The following SH3RF2 variants were observed in gnomAD, a reference collection of about 807,000 sequenced individuals.
The protein encoded by SH3RF2 is E3 ubiquitin-protein ligase SH3RF2.
SH3RF2 carries 43 observed loss-of-function variants against 59.0 expected under a neutral mutation model. The ratio of observed to expected loss-of-function variants is 0.73; its 90% CI spans 0.57 to 0.94. The LOEUF is 0.94. SH3RF2 is among the 40% of genes least tolerant of loss of function. SH3RF2 has a pLI of 0.00. For synonymous variants in SH3RF2, 391 were observed against 391.5 expected (o/e 1.00, Z 0.01); for missense variants, 930 against 940.1 (o/e 0.99, Z 0.14).
chr5:145,973,805 T>C (rs1011783254), intron 2 of SH3RF2, among the ~76,000 whole-genome samples: 1 of 152,216 alleles, frequency 6.6e-6, no homozygotes, highest in Non-Finnish European at 1.5e-5. Flanking sequence ...GATTATGGAA[T>C]TAGTGAATTA....
At chr5:146,017,672 A>C (rs1443054314) in intron 5 of SH3RF2, among the ~76,000 whole-genome samples, 3 of 152,064 alleles carry the variant, frequency 2.0e-5, no homozygotes, top group Admixed American at 1.3e-4. Context: ...ACATTCAGCT[A>C]ATCAGTAAGC....
intron 4 of SH3RF2, among the ~76,000 whole-genome samples, chr5:146,011,717 T>C (rs530982014): frequency 2.0e-5 from 3 of 152,364 alleles, no homozygotes; most frequent in African/African-American, 7.2e-5. Flanking sequence ...TTGTGATTTT[T>C]GCACATTGAT....
In SH3RF2 at chr5:145,940,951, TAGA is replaced by T. The variant is rs376540561; in HGVS notation, c.378+2648_378+2650del. Among the ~76,000 whole-genome samples the T allele has an allele frequency of 4.3e-3, 660 of 152,274 alleles. 6 individuals carry two copies. Among genetic ancestry groups the T allele is most frequent in the African/African-American group, 0.015 (643 of 41,558 alleles). ...CACACATGAGGCATGCTACAAAATG[TAGA>T]AGGAGTTACAGCCCTTGCAGGAGAG... On this transcript the variant is annotated intron_variant, in intron 2 of 9. Coordinates refer to ENST00000359120, the MANE Select transcript of SH3RF2 (RefSeq NM_152550.4).
chr5:146,000,370 G>A, intron 3 of SH3RF2, 43 bp downstream of exon 3: 4 of 1,586,880 alleles, frequency 2.5e-6, no homozygotes, highest in South Asian at 2.3e-5. Context: ...GGACCACGTA[G>A]AGACCATAGC....
intron 2 of SH3RF2, among the ~76,000 whole-genome samples, chr5:145,974,823 T>A (rs530491777): frequency 2.0e-5 from 3 of 152,288 alleles, no homozygotes; most frequent in Non-Finnish European, 4.4e-5. Context: ...AAATGAGAGA[T>A]AACAGAGCTT....
intron 2 of SH3RF2, among the ~76,000 whole-genome samples, chr5:145,961,349 T>C (rs1758624375): frequency 6.6e-6 from 1 of 152,154 alleles, no homozygotes; most frequent in Admixed American, 6.5e-5. Context: ...AGGTACATTC[T>C]TTAACATTTC....
chr5:146,019,242 G>A (rs777464993), intron 5 of SH3RF2, among the ~76,000 whole-genome samples: 106 of 151,970 alleles, frequency 7.0e-4, no homozygotes, highest in Middle Eastern at 3.2e-3. Context: ...TATGGTTTCC[G>A]GTCTTAGATT....
intron 2 of SH3RF2, among the ~76,000 whole-genome samples, chr5:145,951,987 A>G (rs554847672): frequency 4.6e-5 from 7 of 152,328 alleles, no homozygotes; most frequent in African/African-American, 1.7e-4. Flanking sequence ...CTGAGCCCCA[A>G]TCTCTTAATC....
At chr5:145,943,199 C>T (rs1482755293) in intron 2 of SH3RF2, among the ~76,000 whole-genome samples, 3 of 150,700 alleles carry the variant, frequency 2.0e-5, no homozygotes, top group Non-Finnish European at 4.4e-5. Context: ...GAGTTCTTTG[C>T]ACACACACAG....
Position 145,997,559 on chromosome 5 carries a change from G to A in SH3RF2, c.379-2499G>A, listed in dbSNP as rs372246905. On this transcript the variant is annotated intron_variant, in intron 2 of 9. Coordinates refer to ENST00000359120, the MANE Select transcript of SH3RF2 (RefSeq NM_152550.4). ...TTCTTCCGAAAATGGGAGTTATTAC[G>A]GTTTCAGGATTGGTGGGCTTGGTTT... 111 of 1,607,938 alleles carry A rather than the reference G, an allele frequency of 6.9e-5. No homozygotes were observed. In the East Asian group the frequency reaches 8.0e-4, roughly 12 times the overall value.
intron 2 of SH3RF2, among the ~76,000 whole-genome samples, chr5:145,959,437 G>A (rs1415893455): frequency 6.6e-6 from 1 of 151,952 alleles, no homozygotes; most frequent in Non-Finnish European, 1.5e-5. Flanking sequence ...TTTAGAGTAA[G>A]AGCCAGACTA....
chr5:145,980,189 A>C (rs957370677), intron 2 of SH3RF2, among the ~76,000 whole-genome samples: 1 of 152,200 alleles, frequency 6.6e-6, no homozygotes, highest in African/African-American at 2.4e-5. Context: ...CCAGCTGTTG[A>C]TTATTCATAG....
At chr5:145,964,111 T>G (rs1473878918) in intron 2 of SH3RF2, among the ~76,000 whole-genome samples, 1 of 151,816 alleles carries the variant, frequency 6.6e-6, no homozygotes, top group Non-Finnish European at 1.5e-5. Flanking sequence ...GGATTACAGG[T>G]GTAAGCCACC....
At chr5:146,033,675 G>GGTC (rs1825714027) in intron 5 of SH3RF2, among the ~76,000 whole-genome samples, 1 of 151,522 alleles carries the variant, frequency 6.6e-6, no homozygotes, top group African/African-American at 2.4e-5. Context: ...TCTCCATGTG[G>GGTC]GTCAGGCTGG....
At chr5:145,965,952 G>A (rs1758840998) in intron 2 of SH3RF2, among the ~76,000 whole-genome samples, 1 of 152,332 alleles carries the variant, frequency 6.6e-6, no homozygotes, top group Middle Eastern at 3.4e-3. Flanking sequence ...GGATGAGTCT[G>A]AACGAGCCAA....
rs1761679220 is a variant in SH3RF2 at position 146,029,834 on chromosome 5, G to A, written c.1059+15773G>A. On this transcript the variant is annotated intron_variant, in intron 5 of 9. Transcript: ENST00000359120. ...ATAAAGAGAAAACTCCAAGAAAATT[G>A]ACCATTTTCTTTCATCAAAGAAAAA... 2.0e-5 allele frequency among the ~76,000 whole-genome samples: 3 copies of A among 152,072 alleles called. No individual in the cohort carries two copies. The South Asian group carries it at 6.2e-4, about 32-fold the overall frequency.
At position 146,059,933 on chromosome 5, in the gene SH3RF2, C is replaced by A. The variant is rs757507846; in HGVS notation, c.1623C>A (p.Ser541Arg). 2.0e-6 allele frequency: 3 copies of A among 1,520,120 alleles called. No homozygotes were observed. The highest frequency in any genetic ancestry group is 2.6e-6 in the Non-Finnish European group (3 of 1,134,450). The allele number at this position is 1,520,120 out of a possible 1,614,324, so 94.2% of individuals were successfully genotyped here. ...PTLVVGSLRR[S>R]PTMVLRPQQF... ...TCGTGGTAGGCTCCCTCAGACGCAGCCCCACCATGGTCCTTCGGCCTCAGC... is the reference window on the plus strand; with the variant it reads ...TCGTGGTAGGCTCCCTCAGACGCAGACCCACCATGGTCCTTCGGCCTCAGC... Residue 541 changes from serine (S) to arginine (R), a missense_variant, in exon 9 of 10, where the codon AGC becomes AGA. Coordinates refer to ENST00000359120, the MANE Select transcript of SH3RF2 (RefSeq NM_152550.4).
intron 2 of SH3RF2, among the ~76,000 whole-genome samples, chr5:145,991,815 GA>G (rs2149977160): frequency 6.6e-6 from 1 of 152,140 alleles, no homozygotes; most frequent in East Asian, 1.9e-4. Context: ...ATATCTTTCA[GA>G]AAAAAGAAAA....
chr5:145,937,714 G>A (rs1324821782), intron 1 of SH3RF2, 109 bp from the exon 2 acceptor site: 2 of 571,928 alleles, frequency 3.5e-6, no homozygotes, highest in African/African-American at 3.7e-5. Context: ...CTTGGGTGCC[G>A]GAACAAAGTA....
Sources: allele counts gnomAD v4.1 joint callset (sites outside exome capture counted in the v4.1 genomes callset), GRCh38; gene constraint gnomAD v4.1.1; transcripts MANE v1.5; gene names NCBI Gene and HGNC (gene_info 2026-07-23, HGNC 2026-07-21).